Variants in LHFPL3 observed in about 807,000 individuals in gnomAD.
LHFPL3 encodes the protein LHFPL tetraspan subfamily member 3 protein.
In LHFPL3, 5 loss-of-function variants were observed where a neutral mutation model predicts 19.3. That is an observed-to-expected ratio of 0.26 (90% CI 0.14 to 0.54). The LOEUF (loss-of-function observed/expected upper bound fraction) is 0.54, where lower values mean the gene tolerates loss of function less well. Among genes scored for constraint, LHFPL3 ranks in the 20% least tolerant of loss-of-function variants. LHFPL3 has a pLI of 0.94. For synonymous variants in LHFPL3, 133 were observed against 126.2 expected, an observed-to-expected ratio of 1.05 and a Z score of -0.36; for missense variants, 249 against 307.4, an observed-to-expected ratio of 0.81 and a Z score of 1.42.
intron 2 of LHFPL3, among the ~76,000 whole-genome samples, chr7:104,868,672 T>G (rs915380006): frequency 1.3e-5 from 2 of 152,142 alleles, no homozygotes; most frequent in African/African-American, 4.8e-5. Context: ...ATAGATTCAG[T>G]GCCATCCCCA....
intron 1 of LHFPL3, among the ~76,000 whole-genome samples, chr7:104,448,325 A>G (rs894633743): frequency 6.6e-6 from 1 of 152,188 alleles, no homozygotes; most frequent in African/African-American, 2.4e-5. Context: ...ACTGTAGCCA[A>G]ATTTCAAGGT....
intron 1 of LHFPL3, chr7:104,668,935 C>T (rs1562961961): frequency 3.1e-6 from 5 of 1,612,410 alleles, no homozygotes; most frequent in South Asian, 1.1e-5. Flanking sequence ...ACTAGAACGA[C>T]GGCCTCGGGA....
At chr7:104,386,121 G>A (rs892061143) in intron 1 of LHFPL3, among the ~76,000 whole-genome samples, 3 of 152,146 alleles carry the variant, frequency 2.0e-5, no homozygotes, top group Admixed American at 6.6e-5. Flanking sequence ...AATACTAGCT[G>A]ATTCACAATG....
intron 1 of LHFPL3, among the ~76,000 whole-genome samples, chr7:104,497,626 TAAAA>T (rs61246004): frequency 7.5e-6 from 1 of 132,522 alleles, no homozygotes; most frequent in Non-Finnish European, 1.7e-5. Context: ...ACACACCAAT[TAAAA>T]AAAAAAAAAA....
intron 2 of LHFPL3, among the ~76,000 whole-genome samples, chr7:104,737,258 A>G (rs1235144873): frequency 1.3e-5 from 2 of 152,066 alleles, no homozygotes; most frequent in African/African-American, 4.8e-5. Flanking sequence ...GGTTGAATGG[A>G]AAGTACTTTC....
At chr7:104,693,096 A>G (rs1256586684) in intron 1 of LHFPL3, among the ~76,000 whole-genome samples, 2 of 152,206 alleles carry the variant, frequency 1.3e-5, no homozygotes, top group Admixed American at 6.5e-5. Context: ...CGGAGCTTTA[A>G]GATTTGGCTG....
intron 1 of LHFPL3, among the ~76,000 whole-genome samples, chr7:104,499,613 A>G (rs963031529): frequency 1.3e-5 from 2 of 152,208 alleles, no homozygotes; most frequent in Non-Finnish European, 2.9e-5. Context: ...GTGCTCCAAT[A>G]TTGTATCATT....
intron 1 of LHFPL3, among the ~76,000 whole-genome samples, chr7:104,368,339 G>A (rs1790535003): frequency 6.6e-6 from 1 of 152,008 alleles, no homozygotes; most frequent in Non-Finnish European, 1.5e-5. Flanking sequence ...TTTTTGAAAG[G>A]AAGTATGAGG....
intron 2 of LHFPL3, among the ~76,000 whole-genome samples, chr7:104,843,406 C>G (rs1344883810): frequency 6.6e-6 from 1 of 152,212 alleles, no homozygotes; most frequent in East Asian, 1.9e-4. Flanking sequence ...GGAGCCAAGG[C>G]AGCCTGTGAC....
At chr7:104,405,490 G>A (rs956844532) in intron 1 of LHFPL3, among the ~76,000 whole-genome samples, 3 of 152,088 alleles carry the variant, frequency 2.0e-5, no homozygotes, top group Middle Eastern at 3.2e-3. Context: ...GGTGTGCCTG[G>A]CATTCACTTA....
chr7:104,813,838 A>T (rs1350199317), intron 2 of LHFPL3, among the ~76,000 whole-genome samples: 1 of 152,200 alleles, frequency 6.6e-6, no homozygotes, highest in Non-Finnish European at 1.5e-5. Flanking sequence ...GGCCTCAAAG[A>T]AGGAGTCATA....
At chr7:104,656,026 T>A (rs1562959178) in intron 1 of LHFPL3, among the ~76,000 whole-genome samples, 2 of 152,234 alleles carry the variant, frequency 1.3e-5, no homozygotes, top group Non-Finnish European at 2.9e-5. Context: ...AATTTTGACA[T>A]TTGGTTTTAC....
Position 104,424,983 on chromosome 7 carries a change from T to TAAA in LHFPL3, c.445+95779_445+95781dup, listed in dbSNP as rs71153196. Among the ~76,000 whole-genome samples the TAAA allele has an allele frequency of 7.2e-3, 463 of 64,228 alleles. 13 individuals carry two copies. The highest frequency in any genetic ancestry group is 0.023 in the African/African-American group (347 of 15,202). The allele number at this position is 64,228 out of a possible 152,430, so 42.1% of individuals were successfully genotyped here. A position where few individuals can be genotyped will look rare whatever the true frequency, so the allele number is the denominator to read the frequency against. On this transcript the variant is annotated intron_variant, in intron 1 of 2. Coordinates refer to ENST00000424859, the MANE Select transcript of LHFPL3 (RefSeq NM_199000.3). Reference sequence around the variant, plus strand: ...GGCGACAGAGTGAGACTCCATCTCATAAAAAAAAAAAAAAAAAAAAAAGAA... The same window carrying TAAA: ...GGCGACAGAGTGAGACTCCATCTCATAAAAAAAAAAAAAAAAAAAAAAAAAGAA...
chr7:104,435,729 A>G (rs1562896906), intron 1 of LHFPL3, among the ~76,000 whole-genome samples: 1 of 151,954 alleles, frequency 6.6e-6, no homozygotes, highest in Non-Finnish European at 1.5e-5. Flanking sequence ...CCTCAAGAAA[A>G]TTTATTCCCT....
At chr7:104,349,003 C>T (rs1219605192) in intron 1 of LHFPL3, among the ~76,000 whole-genome samples, 2 of 151,996 alleles carry the variant, frequency 1.3e-5, no homozygotes, top group African/African-American at 4.8e-5. Flanking sequence ...TTGACTCCTC[C>T]TTTTCCTTCT....
At chr7:104,874,556 G>A (rs549348893) in intron 2 of LHFPL3, among the ~76,000 whole-genome samples, 5 of 151,914 alleles carry the variant, frequency 3.3e-5, no homozygotes, top group East Asian at 3.9e-4. Flanking sequence ...CACCACACCC[G>A]GCTAATTTTT....
intron 1 of LHFPL3, among the ~76,000 whole-genome samples, chr7:104,729,771 G>A (rs1055592492): frequency 3.4e-4 from 51 of 152,042 alleles, no homozygotes; most frequent in African/African-American, 1.2e-3. Context: ...TATACTTTAA[G>A]TTCTAGGGTA....
At chr7:104,422,710 C>T (rs1791757803) in intron 1 of LHFPL3, among the ~76,000 whole-genome samples, 1 of 152,154 alleles carries the variant, frequency 6.6e-6, no homozygotes, top group African/African-American at 2.4e-5. Flanking sequence ...TAGAATCCTA[C>T]TTTATAAATG....
intron 2 of LHFPL3, among the ~76,000 whole-genome samples, chr7:104,832,222 T>C (rs1338310085): frequency 6.6e-6 from 1 of 152,044 alleles, no homozygotes. Context: ...TGTCCCTTTA[T>C]GGTGGAAAAA....
Sources: allele counts gnomAD v4.1 joint callset (sites outside exome capture counted in the v4.1 genomes callset), GRCh38; gene constraint gnomAD v4.1.1; transcripts MANE v1.5; gene names NCBI Gene and HGNC (gene_info 2026-07-23, HGNC 2026-07-21).